PAX5: variants seen among roughly 807,000 people sequenced by gnomAD.
PAX5 encodes paired box 5, also known as paired box protein Pax-5.
A neutral mutation model predicts 43.7 loss-of-function variants in PAX5; 9 were observed. That is an observed-to-expected ratio of 0.21 (90% CI 0.12 to 0.36). The LOEUF is 0.36. Ranked by LOEUF, PAX5 falls within the 10% of genes least tolerant of loss-of-function variation. PAX5 has a pLI of 1.00. For missense variants in PAX5, 383 were observed against 532.7 expected, an observed-to-expected ratio of 0.72 and a Z score of 2.77; for synonymous variants, 228 against 214.3, an observed-to-expected ratio of 1.06 and a Z score of -0.56.
At chr9:36,942,414 C>T (rs573106201) in intron 6 of PAX5, among the ~76,000 whole-genome samples, 2 of 152,398 alleles carry the variant, frequency 1.3e-5, no homozygotes, top group South Asian at 2.1e-4. Flanking sequence ...ATCATAGCGT[C>T]TGCTTGCCTT....
intron 9 of PAX5, among the ~76,000 whole-genome samples, chr9:36,844,000 C>T (rs1822330038): frequency 6.6e-6 from 1 of 152,222 alleles, no homozygotes; most frequent in Admixed American, 6.5e-5. Flanking sequence ...ATGCCTACCT[C>T]TTTTTGTCCT....
intron 8 of PAX5, among the ~76,000 whole-genome samples, chr9:36,875,129 T>A (rs1015326476): frequency 1.3e-5 from 2 of 152,172 alleles, no homozygotes; most frequent in African/African-American, 4.8e-5. Context: ...TGCTTCCCCA[T>A]GTGGCGGCCA....
At chr9:36,902,895 C>G (rs532557923) in intron 7 of PAX5, among the ~76,000 whole-genome samples, 1 of 152,304 alleles carries the variant, frequency 6.6e-6, no homozygotes, top group East Asian at 1.9e-4. Context: ...GGCTGCCAAT[C>G]CAGCTAGAAA....
chr9:36,913,731 C>T (rs1165902127), intron 7 of PAX5, among the ~76,000 whole-genome samples: 1 of 152,160 alleles, frequency 6.6e-6, no homozygotes, highest in Non-Finnish European at 1.5e-5. Flanking sequence ...CCTGAGCAGC[C>T]CAGAGTGTGA....
rs558471916 is a variant in PAX5 at position 37,028,597 on chromosome 9, G to A, written c.46+5389C>T. 7.9e-5 allele frequency among the ~76,000 whole-genome samples: 12 copies of A among 152,342 alleles called. 1 individual carries two copies. In the South Asian group the frequency reaches 2.5e-3, roughly 32 times the overall value. ...AGATCAGGAACTGCCAGAGGCTTTGGGAGCTGGTGTTGCGCTTCTGTCCAC... is the reference window on the plus strand; with the variant it reads ...AGATCAGGAACTGCCAGAGGCTTTGAGAGCTGGTGTTGCGCTTCTGTCCAC... On this transcript the variant is annotated intron_variant, in intron 1 of 9. Transcript: ENST00000358127.
chr9:36,878,848 C>T (rs960846466), intron 8 of PAX5, among the ~76,000 whole-genome samples: 4 of 152,326 alleles, frequency 2.6e-5, no homozygotes, highest in East Asian at 3.9e-4. Flanking sequence ...AAGGGCTGTG[C>T]GGCTGAGCTT....
intron 3 of PAX5, among the ~76,000 whole-genome samples, chr9:37,013,634 A>G (rs1443683498): frequency 2.6e-5 from 4 of 152,118 alleles, no homozygotes; most frequent in African/African-American, 4.8e-5. Context: ...AAAACCTACC[A>G]TCATCATTGC....
intron 5 of PAX5, among the ~76,000 whole-genome samples, chr9:36,989,791 C>G (rs1836772422): frequency 6.6e-6 from 1 of 152,184 alleles, no homozygotes; most frequent in African/African-American, 2.4e-5. Flanking sequence ...CCACTCATTC[C>G]CCAGATGAGC....
chr9:37,031,707 C>G (rs919821680), intron 1 of PAX5, among the ~76,000 whole-genome samples: 7 of 152,104 alleles, frequency 4.6e-5, no homozygotes, highest in African/African-American at 1.7e-4. Flanking sequence ...AGTTTCCTTT[C>G]CCTACAGCAA....
At chr9:37,026,787 G>GCTCCTAGCCC in intron 1 of PAX5, 1 of 928,660 alleles carries the variant, frequency 1.1e-6, no homozygotes, top group Non-Finnish European at 1.3e-6. Flanking sequence ...TAGCGCACCC[G>GCTCCTAGCCC]GGCTAGGAGC....
intron 6 of PAX5, among the ~76,000 whole-genome samples, chr9:36,939,013 A>G (rs1310170545): frequency 2.0e-5 from 3 of 152,222 alleles, no homozygotes; most frequent in African/African-American, 4.8e-5. Flanking sequence ...TATTATTTAT[A>G]TCCCATTTTA....
intron 5 of PAX5, among the ~76,000 whole-genome samples, chr9:36,994,354 C>A (rs1837207903): frequency 6.6e-6 from 1 of 152,214 alleles, no homozygotes; most frequent in African/African-American, 2.4e-5. Flanking sequence ...GCCCTCTGTG[C>A]CTGGACTACC....
intron 5 of PAX5, among the ~76,000 whole-genome samples, chr9:36,968,636 G>A (rs978531675): frequency 6.6e-6 from 1 of 152,168 alleles, no homozygotes; most frequent in African/African-American, 2.4e-5. Context: ...GGCAGAAGTT[G>A]GTCTCTCTGA....
intron 6 of PAX5, among the ~76,000 whole-genome samples, chr9:36,941,598 G>A (rs1197613986): frequency 2.0e-5 from 3 of 152,192 alleles, no homozygotes; most frequent in African/African-American, 7.2e-5. Flanking sequence ...GATGCTAGGA[G>A]CCAGCCAGGT....
intron 7 of PAX5, among the ~76,000 whole-genome samples, chr9:36,886,749 A>G (rs1826938456): frequency 1.3e-5 from 2 of 152,200 alleles, no homozygotes; most frequent in Admixed American, 6.5e-5. Context: ...ATGGCCTATA[A>G]TAAGTTTGCA....
chr9:36,997,751 G>T (rs528065672), intron 5 of PAX5, among the ~76,000 whole-genome samples: 1 of 152,322 alleles, frequency 6.6e-6, no homozygotes, highest in Admixed American at 6.5e-5. Context: ...GAGCCATCCC[G>T]CAGGCCTCCC....
chr9:37,011,397 A>G (rs1388729145), intron 3 of PAX5, among the ~76,000 whole-genome samples: 2 of 152,190 alleles, frequency 1.3e-5, no homozygotes, highest in African/African-American at 4.8e-5. Context: ...ACGTTCTCAC[A>G]TGACCCAACC....
intron 1 of PAX5, among the ~76,000 whole-genome samples, chr9:37,031,559 G>A (rs1388293264): frequency 2.0e-5 from 3 of 152,100 alleles, no homozygotes; most frequent in African/African-American, 4.8e-5. Context: ...GGGGGTCCAT[G>A]GAGAGAGGGG....
intron 8 of PAX5, among the ~76,000 whole-genome samples, chr9:36,849,041 C>T (rs973112549): frequency 6.6e-6 from 1 of 152,232 alleles, no homozygotes; most frequent in Non-Finnish European, 1.5e-5. Flanking sequence ...AAGCCCCTCT[C>T]CCACCCCTCC....
Sources: allele counts gnomAD v4.1 joint callset (sites outside exome capture counted in the v4.1 genomes callset), GRCh38; gene constraint gnomAD v4.1.1; transcripts MANE v1.5; gene names NCBI Gene and HGNC (gene_info 2026-07-23, HGNC 2026-07-21).